The following SERPINE2 variants were observed in gnomAD, a reference collection of about 807,000 sequenced individuals.
SERPINE2 encodes the protein serpin family E member 2.
SERPINE2 carries 14 observed loss-of-function variants against 36.3 expected under a neutral mutation model. That is an observed-to-expected ratio of 0.39 (90% CI 0.25 to 0.60). The LOEUF (loss-of-function observed/expected upper bound fraction) is 0.60. Among genes scored for constraint, SERPINE2 ranks in the 20% least tolerant of loss-of-function variants. SERPINE2 has a pLI of 0.57. For missense variants in SERPINE2, 418 were observed against 499.6 expected (o/e 0.84, Z 1.56); for synonymous variants, 192 against 191.8 (o/e 1.00, Z -0.01).
intron 1 of SERPINE2, among the ~76,000 whole-genome samples, chr2:224,035,405 CAG>C (rs10536769): frequency 0.61 from 92,572 of 151,368 alleles, 28,870 homozygotes; most frequent in South Asian, 0.71. Flanking sequence ...TGTTTTGAGA[CAG>C]AGTCTCACTC....
In SERPINE2 at chr2:224,035,535, AT is replaced by A. The variant is rs201115689; in HGVS notation, c.-23+3563del. 7.4e-3 allele frequency among the ~76,000 whole-genome samples: 1,132 copies of A among 152,056 alleles called. 11 individuals carry two copies. The highest frequency in any genetic ancestry group is 0.031 in the Middle Eastern group (9 of 294). On this transcript the variant is annotated intron_variant, in intron 1 of 8. Coordinates refer to ENST00000409304, the MANE Select transcript of SERPINE2 (RefSeq NM_001136528.2). ...GTAGCTGGGATTATAGGCGCAGCTA[AT>A]TTTTGTATTTTTAGTAGAGACGCGG...
At chr2:224,010,340 T>C in intron 1 of SERPINE2, 1 of 985,202 alleles carries the variant, frequency 1.0e-6, no homozygotes. Flanking sequence ...GTTTAGGAAA[T>C]ACCTTTTCAG....
At chr2:223,992,250 T>C (rs1394701355) in intron 3 of SERPINE2, among the ~76,000 whole-genome samples, 2 of 152,122 alleles carry the variant, frequency 1.3e-5, no homozygotes, top group African/African-American at 4.8e-5. Flanking sequence ...TACAAAACTT[T>C]TCATCAAGAA....
At chr2:224,026,032 G>A (rs533934480) in intron 1 of SERPINE2, among the ~76,000 whole-genome samples, 2 of 152,338 alleles carry the variant, frequency 1.3e-5, no homozygotes, top group African/African-American at 4.8e-5. Context: ...TAATGAAATA[G>A]GAGAAGTGAC....
intron 1 of SERPINE2, chr2:224,014,089 G>A (rs1432464137): frequency 6.6e-6 from 1 of 152,320 alleles, no homozygotes; most frequent in East Asian, 1.9e-4. Context: ...AAATTCCAGG[G>A]AGTGGCCATG....
intron 1 of SERPINE2, among the ~76,000 whole-genome samples, chr2:224,012,395 T>C (rs1377547270): frequency 6.6e-6 from 1 of 152,104 alleles, no homozygotes; most frequent in Admixed American, 6.6e-5. Flanking sequence ...TCTGGATATA[T>C]CTTAACTGGA....
At chr2:224,003,405 T>A (rs1250743971) in intron 1 of SERPINE2, among the ~76,000 whole-genome samples, 1 of 152,218 alleles carries the variant, frequency 6.6e-6, no homozygotes, top group East Asian at 1.9e-4. Flanking sequence ...GCTCTGATTA[T>A]CTTATAACCA....
At chr2:224,035,089 A>G (rs563768308) in intron 1 of SERPINE2, among the ~76,000 whole-genome samples, 1 of 145,234 alleles carries the variant, frequency 6.9e-6, no homozygotes, top group African/African-American at 2.5e-5. Context: ...TTGGGGCAGC[A>G]GGAGGAAAGT....
rs547717534 is a variant in SERPINE2 at position 224,021,897 on chromosome 2, C to T, written c.-23+17202G>A. 5.3e-5 allele frequency among the ~76,000 whole-genome samples: 8 copies of T among 152,248 alleles called. No homozygotes were observed. The South Asian group carries it at 1.2e-3, about 24-fold the overall frequency. ...AAATTAGGCTGGGCGTGGTGGCTCA[C>T]GCCTGTAATCCCAGCACTTTGGGAG... On this transcript the variant is annotated intron_variant, in intron 1 of 8. Transcript: ENST00000409304.
At chr2:223,986,014 C>T (rs1690414783) in intron 4 of SERPINE2, among the ~76,000 whole-genome samples, 1 of 152,218 alleles carries the variant, frequency 6.6e-6, no homozygotes, top group African/African-American at 2.4e-5. Context: ...ACGATTTTCA[C>T]TGATCTTTTC....
At chr2:224,019,015 C>A (rs1691895916) in intron 1 of SERPINE2, among the ~76,000 whole-genome samples, 1 of 152,144 alleles carries the variant, frequency 6.6e-6, no homozygotes, top group African/African-American at 2.4e-5. Flanking sequence ...TCAGCACCCT[C>A]TCTCCATAGG....
intron 1 of SERPINE2, among the ~76,000 whole-genome samples, chr2:224,009,779 G>A (rs1034355798): frequency 1.3e-4 from 19 of 151,982 alleles, no homozygotes; most frequent in Non-Finnish European, 2.9e-5. Context: ...AAGTAAAATC[G>A]TGCTGTCCAG....
intron 1 of SERPINE2, among the ~76,000 whole-genome samples, chr2:224,003,688 C>T (rs770561178): frequency 6.6e-6 from 1 of 152,182 alleles, no homozygotes. Flanking sequence ...AAAGCAAATA[C>T]TTTCATTAAG....
intron 3 of SERPINE2, among the ~76,000 whole-genome samples, chr2:223,994,350 C>T (rs1282934938): frequency 6.6e-6 from 1 of 152,068 alleles, no homozygotes; most frequent in Non-Finnish European, 1.5e-5. Context: ...CTCCAACTGC[C>T]CCTGGGAGGA....
chr2:223,986,585 T>C (rs1214813488), intron 4 of SERPINE2, among the ~76,000 whole-genome samples: 1 of 152,104 alleles, frequency 6.6e-6, no homozygotes, highest in African/African-American at 2.4e-5. Context: ...AACTGTGAAA[T>C]ATGGGAAGTG....
At chr2:223,998,077 C>T in intron 3 of SERPINE2, 38 bp downstream of exon 3, 2 of 1,533,306 alleles carry the variant, frequency 1.3e-6, no homozygotes, top group African/African-American at 2.7e-5. Context: ...GCTTCATTCA[C>T]AAACTATGCA....
At chr2:224,005,047 TTATATATTTTATATATATTATATATATA>T in intron 1 of SERPINE2, among the ~76,000 whole-genome samples, 1 of 19,600 alleles carries the variant, frequency 5.1e-5, no homozygotes, top group East Asian at 8.5e-4. Flanking sequence ...TAAATATATT[TTATATATTTTATATATATTATATATATA>T]TATATATATA....
rs909862909 is a variant in SERPINE2, at chr2:224,038,624, G to C, written c.-23+475C>G. On this transcript the variant is annotated intron_variant, in intron 1 of 8. Transcript: ENST00000409304. ...CCCACACCGCGCGTCACCTCCCTCTGCCCAGGCAGAGGTAACAAGTAAGAG... is the reference window on the plus strand; with the variant it reads ...CCCACACCGCGCGTCACCTCCCTCTCCCCAGGCAGAGGTAACAAGTAAGAG... 1.0e-5 allele frequency: 9 copies of C among 902,436 alleles called. No homozygotes were observed. In the South Asian group the frequency reaches 1.3e-4, roughly 13 times the overall value. 55.9% of individuals were successfully genotyped at this position (902,436 alleles called of 1,614,324 possible).
intron 1 of SERPINE2, among the ~76,000 whole-genome samples, chr2:224,021,822 G>C (rs1472536351): frequency 6.6e-6 from 1 of 152,160 alleles, no homozygotes; most frequent in African/African-American, 2.4e-5. Flanking sequence ...TCAGGAGTTT[G>C]AGACCAGCCT....
Sources: gnomAD v4.1 joint callset for allele counts (sites outside exome capture counted in the v4.1 genomes callset) on GRCh38, gnomAD v4.1.1 for gene constraint, MANE v1.5 for transcripts, NCBI Gene and HGNC (gene_info 2026-07-23, HGNC 2026-07-21) for gene names.